The following IPO4 variants were observed in gnomAD, a reference collection of about 807,000 sequenced individuals.
IPO4 encodes importin 4.
In IPO4, 91 loss-of-function variants were observed where a neutral mutation model predicts 133.5. That is an observed-to-expected ratio of 0.68 (90% CI 0.58 to 0.81). The LOEUF (loss-of-function observed/expected upper bound fraction) is 0.81. Ranked by LOEUF, IPO4 falls within the 30% of genes least tolerant of loss-of-function variation. IPO4 has a pLI of 0.00. For synonymous variants in IPO4, 607 were observed against 581.6 expected (o/e 1.04, Z -0.63); for missense variants, 1,279 against 1,386.2 (o/e 0.92, Z 1.23).
intron 7 of IPO4, 32 bp from the exon 8 acceptor site, chr14:24,187,011 G>A: frequency 6.2e-7 from 1 of 1,611,878 alleles, no homozygotes; most frequent in Non-Finnish European, 8.5e-7. Context: ...AGGTTACCAT[G>A]CTCTTCTTCA....
rs1078207 is a variant in IPO4, at chr14:24,182,164, C to G, written c.2599-1G>C. 1.2e-6 allele frequency: 2 copies of G among 1,614,120 alleles called. No homozygotes were observed. Among genetic ancestry groups the G allele is most frequent in the Non-Finnish European group, 8.5e-7 (1 of 1,180,018 alleles). On this transcript the variant is annotated splice_acceptor_variant, in intron 25 of 29. Transcript: ENST00000354464. LOFTEE classifies it high-confidence loss of function. ...TCTCTGCCACTGTGCAGCCCTGTTT[C>G]TGATGGGGGAGAACAGGAAGGAGTA... is the stretch of plus-strand genomic sequence containing the variant.
intron 28 of IPO4, 35 bp downstream of exon 28, chr14:24,181,478 C>T (rs539625985): frequency 2.2e-5 from 34 of 1,526,878 alleles, no homozygotes; most frequent in African/African-American, 1.8e-4. Context: ...TGGAGCGGCA[C>T]GTTCCCCTCT....
intron 8 of IPO4, 43 bp downstream of exon 8, chr14:24,186,835 C>G: frequency 6.2e-7 from 1 of 1,612,516 alleles, no homozygotes; most frequent in Non-Finnish European, 8.5e-7. Flanking sequence ...AAGGAGAGTC[C>G]CAGCAGAGCA....
chr14:24,188,121 G>A (rs2039252419), intron 4 of IPO4, 95 bp downstream of exon 4: 1 of 1,307,156 alleles, frequency 7.7e-7, no homozygotes, highest in Admixed American at 2.0e-5. Flanking sequence ...TAGAACTGAA[G>A]TCCCTGCCCC....
rs2039223780 is a variant in IPO4 at position 24,186,410 on chromosome 14, G to A, written c.882C>T (p.Thr294=). ...KNRLLPPLLH[T]LFPIVAAEPP... ...GCTCAGCAGCCACAATGGGGAAAAGGGTGTGCAGCAAGGGTGGCAGGAGAC... is the reference window on the plus strand; with the variant it reads ...GCTCAGCAGCCACAATGGGGAAAAGAGTGTGCAGCAAGGGTGGCAGGAGAC... Residue 294 remains threonine, a synonymous_variant, in exon 10 of 30, where the codon ACC becomes ACT. Coordinates refer to ENST00000354464, the MANE Select transcript of IPO4 (RefSeq NM_024658.4). The A allele has an allele frequency of 6.2e-7, 1 of 1,609,328 alleles. No homozygotes were observed. The highest frequency in any genetic ancestry group is 8.5e-7 in the Non-Finnish European group (1 of 1,177,106).
rs745774606 is a variant in IPO4, at chr14:24,186,960, A to C, written c.674T>G (p.Leu225Arg). Residue 225 changes from leucine (L) to arginine (R), a missense_variant, in exon 8 of 30, where the codon CTT (leucine) becomes CGT (arginine). Coordinates refer to ENST00000354464, the MANE Select transcript of IPO4 (RefSeq NM_024658.4). The part of the protein sequence containing the change: ...PIDEAKACEA[L>R]EALDELLESE... ...CTCCAACAGTTCATCCAAAGCCTCA[A>C]GGGCCTCACAGGCCTTTGCCTGACA... 1.2e-6 allele frequency: 2 copies of C among 1,614,166 alleles called. No individual in the cohort carries two copies. The highest frequency in any genetic ancestry group is 1.7e-6 in the Non-Finnish European group (2 of 1,179,996).
Position 24,186,909 on chromosome 14 carries a change from T to G in IPO4, c.725A>C (p.Tyr242Ser). ...GCAGAATGTGAGGACTTCAGAGAGG[T>G]AGGGGGTGATGACCGGCACCTCTGA... Reference protein sequence around the residue: ...LESEVPVITPYLSEVLTFCLE... With the variant: ...LESEVPVITPSLSEVLTFCLE... The change falls in exon 8 of 30, where the codon TAC (tyrosine) becomes TCC (serine). Residue 242 changes from tyrosine to serine, a missense_variant. Physicochemically the swap from Tyr to Ser is moderately radical, Grantham distance 144. Around this residue, in one of 3 missense-constraint regions of IPO4, gnomAD observed 695 missense variants for 704.1 expected, o/e 0.99. Transcript: ENST00000354464. The G allele has an allele frequency of 3.1e-6, 5 of 1,613,610 alleles. No individual in the cohort carries two copies. The highest frequency in any genetic ancestry group is 4.2e-6 in the Non-Finnish European group (5 of 1,179,904).
Position 24,181,987 on chromosome 14 carries a change from C to T in IPO4, c.2775G>A (p.Val925=), listed in dbSNP as rs763965021. 1 of 1,612,272 alleles carries T rather than the reference C, an allele frequency of 6.2e-7. No homozygotes were observed. The highest frequency in any genetic ancestry group is 2.2e-5 in the East Asian group (1 of 44,888). ...VRSNAIFGMG[V]LAEHGGHPAQ... is the part of the protein sequence containing the mutation. ...CAGGGTGGCCCCCATGCTCTGCCAG[C>T]ACGCCCATCCCGAAGATGGCATTGC... Residue 925 remains valine, a synonymous_variant, in exon 26 of 30, where the codon GTG becomes GTA. Transcript: ENST00000354464.
Position 24,180,386 on chromosome 14 carries a change from G to T in IPO4, c.*56C>A. ...AGGCAGAACTGAACTGGGCTGAGAG[G>T]TGGTCTTAAGGCCTGGGCAGGCTCT... On this transcript the variant is annotated 3_prime_UTR_variant, in exon 30 of 30. Transcript: ENST00000354464. 1 of 1,574,954 alleles carries T rather than the reference G, an allele frequency of 6.3e-7. No homozygotes were observed. Among genetic ancestry groups the T allele is most frequent in the Non-Finnish European group, 8.6e-7 (1 of 1,156,654 alleles).
rs984460000 is a variant in IPO4, at chr14:24,183,664, G to C, written c.1989C>G (p.Tyr663Ter). 6.2e-7 allele frequency: 1 copy of C among 1,614,104 alleles called. No homozygotes were observed. Among genetic ancestry groups the C allele is most frequent in the Non-Finnish European group, 8.5e-7 (1 of 1,179,998 alleles). The change falls in exon 20 of 30, where the codon TAC (tyrosine) becomes TAG (stop). Residue 663 changes from tyrosine to a stop codon, truncating the protein, a stop_gained. Transcript: ENST00000354464. LOFTEE classifies it high-confidence loss of function. Reference protein sequence around the residue: ...EEEDDSEISGYSVENAFFDEK... With the variant: ...EEEDDSEISG ...CATCGAAGAAGGCATTCTCCACGCT[G>C]TACCTAGAGTAAGAAGGGGAGGCAG...
chr14:24,182,928 A>G (rs759816419), intron 23 of IPO4, 48 bp downstream of exon 23: 4 of 1,612,940 alleles, frequency 2.5e-6, no homozygotes, highest in African/African-American at 1.3e-5. Flanking sequence ...CCAGTCCCCA[A>G]CCGAGGCCCA....
Position 24,184,372 on chromosome 14 carries a change from C to A in IPO4, c.1683G>T (p.Pro561=). Reference sequence around the variant, plus strand: ...CCAGCTGGCAGCATTCCTCAGCCAGCGGCCTCATGGGCTCCCCCACTGCTC... The same window carrying A: ...CCAGCTGGCAGCATTCCTCAGCCAGAGGCCTCATGGGCTCCCCCACTGCTC... ...LARAVGEPMR[P]LAEECCQLGL... The change falls in exon 17 of 30, where the codon CCG becomes CCT. Residue 561 remains proline (P), a synonymous_variant. Coordinates refer to ENST00000354464, the MANE Select transcript of IPO4 (RefSeq NM_024658.4). 2 of 1,606,576 alleles carry A rather than the reference C, an allele frequency of 1.2e-6. No individual in the cohort carries two copies. Among genetic ancestry groups the A allele is most frequent in the Admixed American group, 1.7e-5 (1 of 59,016 alleles).
Position 24,187,555 on chromosome 14 carries a change from C to A in IPO4, c.433G>T (p.Val145Leu). 1 of 1,614,136 alleles carries A rather than the reference C, an allele frequency of 6.2e-7. No individual in the cohort carries two copies. Among genetic ancestry groups the A allele is most frequent in the Non-Finnish European group, 8.5e-7 (1 of 1,180,038 alleles). The change falls in exon 6 of 30, where the codon GTG (valine) becomes TTG (leucine). Residue 145 changes from valine (V) to leucine (L), a missense_variant. Physicochemically the swap from Val to Leu is conservative, Grantham distance 32. This residue lies in a region of IPO4 where 695 missense variants were observed against 704.1 expected (regional missense o/e 0.99). Coordinates refer to ENST00000354464, the MANE Select transcript of IPO4 (RefSeq NM_024658.4). Reference sequence around the variant, plus strand: ...AAGGCCTCGGGCCGGGAGGTCACCACCACACTTAGCAGCAAAAGCCCCATC... The same window carrying A: ...AAGGCCTCGGGCCGGGAGGTCACCAACACACTTAGCAGCAAAAGCCCCATC... ...REMGLLLLSV[V>L]VTSRPEAFQP...
At position 24,186,448 on chromosome 14, in the gene IPO4, A is replaced by G. The variant is rs2039224595; in HGVS notation, c.844T>C (p.Leu282=). 1 of 1,575,094 alleles carries G rather than the reference A, an allele frequency of 6.3e-7. No individual in the cohort carries two copies. Among genetic ancestry groups the G allele is most frequent in the Non-Finnish European group, 8.6e-7 (1 of 1,158,460 alleles). The stretch of plus-strand genomic sequence containing the variant: ...GGTGGCAGGAGACGATTCTTCAGTA[A>G]GGCCTTGACAGAGAAGGTGGAACAG... ...TFLVKVKSKA[L]LKNRLLPPLL... is the part of the protein sequence containing the mutation. Residue 282 remains leucine (L), a synonymous_variant, in exon 10 of 30, where the codon TTA becomes CTA. Transcript: ENST00000354464.
At position 24,188,410 on chromosome 14, in the gene IPO4, G is replaced by T; in HGVS notation, c.170C>A (p.Ala57Glu). 1 of 1,611,620 alleles carries T rather than the reference G, an allele frequency of 6.2e-7. No homozygotes were observed. Among genetic ancestry groups the T allele is most frequent in the South Asian group, 1.1e-5 (1 of 91,068 alleles). The change falls in exon 3 of 30, where the codon GCG becomes GAG. Residue 57 changes from alanine to glutamate, a missense_variant. By Grantham distance (107) the Ala-to-Glu change is moderately radical. Transcript: ENST00000354464. ...SAADPQIRQF[A>E]AVLTRRRLNT... ...CAGTCGTCTGCGGGTCAGCACGGCCGCAAACTGGCGGATCTAGGACGAGGA... is the reference window on the plus strand; with the variant it reads ...CAGTCGTCTGCGGGTCAGCACGGCCTCAAACTGGCGGATCTAGGACGAGGA...
intron 26 of IPO4, 40 bp downstream of exon 26, chr14:24,181,915 C>T (rs1024379332): frequency 1.2e-6 from 2 of 1,607,912 alleles, no homozygotes; most frequent in Non-Finnish European, 1.7e-6. Flanking sequence ...GGGACACTCC[C>T]CCAACCTCCA....
At position 24,183,590 on chromosome 14, in the gene IPO4, C is replaced by T; in HGVS notation, c.2063G>A (p.Ser688Asn). The stretch of plus-strand genomic sequence containing the variant: ...GTGCCAGGGAAGGGCGAATGCTCAC[C>T]TGGTGTTCACAGAGATCTCCCCCAC... Reference protein sequence around the residue: ...AAVGEISVNTSVAFLPYMESV... With the variant: ...AAVGEISVNTNVAFLPYMESV... Residue 688 changes from serine to asparagine, a missense_variant and splice_region_variant, in exon 20 of 30, where the codon AGT becomes AAT. By Grantham distance (46) the Ser-to-Asn change is conservative. Around this residue, in one of 3 missense-constraint regions of IPO4, gnomAD observed 575 missense variants for 653.4 expected, o/e 0.88. Transcript: ENST00000354464. The T allele has an allele frequency of 1.9e-6, 3 of 1,614,194 alleles. No homozygotes were observed. The highest frequency in any genetic ancestry group is 2.5e-6 in the Non-Finnish European group (3 of 1,180,030).
Position 24,182,350 on chromosome 14 carries a change from C to T in IPO4, c.2526G>A (p.Leu842=), listed in dbSNP as rs1326386962. Residue 842 remains leucine, a synonymous_variant, in exon 25 of 30, where the codon CTG becomes CTA. Transcript: ENST00000354464. ...LEHAGEAIPA[L]AAAAGGDSFA... Reference sequence around the variant, plus strand: ...AGGAGTCTCCCCCAGCCGCGGCTGCCAGGGCAGGGATGGCCTCTCCAGCGT... The same window carrying T: ...AGGAGTCTCCCCCAGCCGCGGCTGCTAGGGCAGGGATGGCCTCTCCAGCGT... The T allele has an allele frequency of 4.3e-6, 7 of 1,613,732 alleles. No individual in the cohort carries two copies. The highest frequency in any genetic ancestry group is 2.2e-5 in the East Asian group (1 of 44,874).
At position 24,181,786 on chromosome 14, in the gene IPO4, A is replaced by C; in HGVS notation, c.2865T>G (p.Asp955Glu). 1.2e-6 allele frequency: 2 copies of C among 1,601,622 alleles called. No homozygotes were observed. The highest frequency in any genetic ancestry group is 2.2e-5 in the South Asian group (2 of 89,522). ...LFPLLARERH[D>E]RVRDNICGAL... ...CCCCACAGATGTTGTCACGGACACG[A>C]TCATGTCGCTCCCGCGCCAGGAGGG... The change falls in exon 27 of 30, where the codon GAT becomes GAG. Residue 955 changes from aspartate (D) to glutamate (E), a missense_variant. By Grantham distance (45) the Asp-to-Glu change is conservative. This residue lies in a region of IPO4 where 575 missense variants were observed against 653.4 expected (regional missense o/e 0.88). Transcript: ENST00000354464.
Sources: allele counts gnomAD v4.1 joint callset, GRCh38; gene constraint gnomAD v4.1.1; regional missense constraint gnomAD v4.1.1; transcripts MANE v1.5; gene names NCBI Gene and HGNC (gene_info 2026-07-23, HGNC 2026-07-21).